LRP1: variants seen among roughly 807,000 people sequenced by gnomAD.
LRP1 encodes LDL receptor related protein 1.
LRP1 carries 51 observed loss-of-function variants against 541.5 expected under a neutral mutation model. The ratio of observed to expected loss-of-function variants is 0.09; its 90% confidence interval spans 0.08 to 0.12. LRP1 has a LOEUF of 0.12. Among genes scored for constraint, LRP1 ranks in the 10% least tolerant of loss-of-function variants. The pLI is 1.00. For missense variants in LRP1, 3,878 were observed against 6,376.2 expected, an observed-to-expected ratio of 0.61 and a Z score of 13.34; for synonymous variants, 2,219 against 2,470.8, an observed-to-expected ratio of 0.90 and a Z score of 3.02.
At position 57,184,271 on chromosome 12, in the gene LRP1, C is replaced by T. The variant is rs2036224355; in HGVS notation, c.6060-55C>T. On this transcript the variant is annotated intron_variant, in intron 37 of 88. Transcript: ENST00000243077. This position sits in a 1 kb window ranked among gnomAD's most constrained non-coding sequence, Gnocchi z 7.8. ...CTGCCCATGGCCCATGCTGATGAGG[C>T]CCTGTCTCCTCCAGGGTCTGAGGAC... is the stretch of plus-strand genomic sequence containing the variant. 2 of 1,613,844 alleles carry T rather than the reference C, an allele frequency of 1.2e-6. No individual in the cohort carries two copies. The highest frequency in any genetic ancestry group is 2.7e-5 in the African/African-American group (2 of 75,040).
At position 57,205,795 on chromosome 12, in the gene LRP1, C is replaced by A; in HGVS notation, c.11590+118C>A. 1 of 1,434,728 alleles carries A rather than the reference C, an allele frequency of 7.0e-7. No individual in the cohort carries two copies. The highest frequency in any genetic ancestry group is 9.4e-7 in the Non-Finnish European group (1 of 1,068,882). 88.9% of individuals were successfully genotyped at this position (1,434,728 alleles called of 1,614,324 possible). A position where few individuals can be genotyped will look rare whatever the true frequency, so the allele number is the denominator to read the frequency against. On this transcript the variant is annotated intron_variant, in intron 75 of 88. Coordinates refer to ENST00000243077, the MANE Select transcript of LRP1 (RefSeq NM_002332.3). This position sits in a 1 kb window ranked among gnomAD's most constrained non-coding sequence, Gnocchi z 4.6. Reference sequence around the variant, plus strand: ...GACATCTTGCCCAGACAAGAAGCCCCAGACTCATAGTTGCAGCTGCCTGAG... The same window carrying A: ...GACATCTTGCCCAGACAAGAAGCCCAAGACTCATAGTTGCAGCTGCCTGAG...
Position 57,130,450 on chromosome 12 carries a change from G to A in LRP1, c.67+1419G>A, listed in dbSNP as rs1332268979. On this transcript the variant is annotated intron_variant, in intron 1 of 88. Transcript: ENST00000243077. ...CCCCACCCCACCAATTAGCTGCCCC[G>A]GAGGAGGAGAGGGGCTTTTCCTGAA... Among the ~76,000 whole-genome samples, 30 of 104,254 alleles carry A rather than the reference G, an allele frequency of 2.9e-4. No homozygotes were observed. In the Admixed American group the frequency reaches 3.5e-3, roughly 12 times the overall value. The allele number at this position is 104,254 out of a possible 152,430, so 68.4% of individuals were successfully genotyped here. A position where few individuals can be genotyped will look rare whatever the true frequency, so the allele number is the denominator to read the frequency against.
chr12:57,139,658 C>T (rs1327195220), intron 2 of LRP1, among the ~76,000 whole-genome samples: 4 of 152,192 alleles, frequency 2.6e-5, no homozygotes, highest in African/African-American at 9.7e-5. Context: ...GGACTCATAA[C>T]ATCACACACA....
Position 57,162,575 on chromosome 12 carries a change from C to T in LRP1, c.2404+57C>T. On this transcript the variant is annotated intron_variant, in intron 14 of 88. Transcript: ENST00000243077. This position sits in a 1 kb window ranked among gnomAD's most constrained non-coding sequence, Gnocchi z 5.2. ...CCTGGAAGGGGTGGTGGGACTTAGG[C>T]ATTGATTTGAGACTTCCCTGGGAGT... 3 of 1,591,264 alleles carry T rather than the reference C, an allele frequency of 1.9e-6. No homozygotes were observed. Among genetic ancestry groups the T allele is most frequent in the South Asian group, 1.1e-5 (1 of 90,218 alleles).
Position 57,178,225 on chromosome 12 carries a change from G to C in LRP1, c.4362-134G>C, listed in dbSNP as rs1325649349. 1.1e-5 allele frequency: 12 copies of C among 1,060,996 alleles called. No individual in the cohort carries two copies. The highest frequency in any genetic ancestry group is 1.6e-5 in the Non-Finnish European group (12 of 739,314). The allele number at this position is 1,060,996 out of a possible 1,614,324, so 65.7% of individuals were successfully genotyped here. A position where few individuals can be genotyped will look rare whatever the true frequency, so the allele number is the denominator to read the frequency against. ...CTGTCTGTCTGCTCTGGCCAGCAAG[G>C]CTTAGGGGAGGGAATGGTCCCATGC... On this transcript the variant is annotated intron_variant, in intron 26 of 88. Coordinates refer to ENST00000243077, the MANE Select transcript of LRP1 (RefSeq NM_002332.3). This position sits in a 1 kb window ranked among gnomAD's most constrained non-coding sequence, Gnocchi z 5.8.
Position 57,202,543 on chromosome 12 carries a change from T to TGGGGGCCCCCCCCCCCCCCC in LRP1, c.10711+6_10711+7insGGGGGCCCCCCCCCCCCCCC. On this transcript the variant is annotated splice_region_variant and intron_variant, in intron 68 of 88. Coordinates refer to ENST00000243077, the MANE Select transcript of LRP1 (RefSeq NM_002332.3). Reference sequence around the variant, plus strand: ...CTCCGATGAAGAGAGCTGCAGTACGTCCCCACCCACCCAGCCCCGCATGAG... The same window carrying TGGGGGCCCCCCCCCCCCCCC: ...CTCCGATGAAGAGAGCTGCAGTACGTGGGGGCCCCCCCCCCCCCCCCCCCACCCACCCAGCCCCGCATGAG... The TGGGGGCCCCCCCCCCCCCCC allele has an allele frequency of 6.6e-7, 1 of 1,523,614 alleles. No individual in the cohort carries two copies. Among genetic ancestry groups the TGGGGGCCCCCCCCCCCCCCC allele is most frequent in the South Asian group, 1.2e-5 (1 of 84,046 alleles). The allele number at this position is 1,523,614 out of a possible 1,614,324, so 94.4% of individuals were successfully genotyped here.
chr12:57,211,564 A>G lies in LRP1; in HGVS notation c.13169A>G (p.Asn4390Ser). 6.2e-7 allele frequency: 1 copy of G among 1,614,066 alleles called. No homozygotes were observed. The highest frequency in any genetic ancestry group is 8.5e-7 in the Non-Finnish European group (1 of 1,180,012). The change falls in exon 85 of 89, where the codon AAC becomes AGC. Residue 4390 changes from asparagine (N) to serine (S), a missense_variant. Asn to Ser is a conservative substitution (Grantham distance 46). This residue lies in a region of LRP1 where 871 missense variants were observed against 1,212.4 expected (regional missense o/e 0.72). Coordinates refer to ENST00000243077, the MANE Select transcript of LRP1 (RefSeq NM_002332.3). The surrounding 1 kb of genome is among the most constrained non-coding windows in gnomAD (Gnocchi z 4.3). ...HCSNGGSCTMNSKMMPECQCP... is the reference protein window; with the variant it reads ...HCSNGGSCTMSSKMMPECQCP... ...AGCAATGGCGGCTCCTGTACCATGA[A>G]CAGCAAAATGATGCCTGAGTGCCAG...
chr12:57,191,479 G>T lies in LRP1; in HGVS notation c.7396G>T (p.Gly2466Cys). 6.2e-7 allele frequency: 1 copy of T among 1,602,914 alleles called. No individual in the cohort carries two copies. Reference protein sequence around the residue: ...LRVDIPQQPMGIIAVANDTNS... With the variant: ...LRVDIPQQPMCIIAVANDTNS... ...CGTGGACATCCCCCAGCAGCCCATG[G>T]GCATCATCGCCGTGGCCAACGACAC... is the stretch of plus-strand genomic sequence containing the variant. Residue 2466 changes from glycine (G) to cysteine (C), a missense_variant, in exon 44 of 89, where the codon GGC becomes TGC. Coordinates refer to ENST00000243077, the MANE Select transcript of LRP1 (RefSeq NM_002332.3).
At position 57,185,670 on chromosome 12, in the gene LRP1, G is replaced by C. The variant is rs200699397; in HGVS notation, c.6603G>C (p.Leu2201=). ...CGTGCCGCGAGTATGCCGGCTACCT[G>C]CTCTACTCAGAGCGCACCATTCTCA... ...GASCREYAGY[L]LYSERTILKS... Residue 2201 remains leucine (L), a synonymous_variant, in exon 41 of 89, where the codon CTG becomes CTC. Coordinates refer to ENST00000243077, the MANE Select transcript of LRP1 (RefSeq NM_002332.3). This position sits in a 1 kb window ranked among gnomAD's most constrained non-coding sequence, Gnocchi z 4.9. 14 of 1,613,846 alleles carry C rather than the reference G, an allele frequency of 8.7e-6. No homozygotes were observed. In the East Asian group the frequency reaches 1.3e-4, roughly 15 times the overall value.
At position 57,165,656 on chromosome 12, in the gene LRP1, T is replaced by A. The variant is rs1435420789; in HGVS notation, c.2531-149T>A. 7 of 714,466 alleles carry A rather than the reference T, an allele frequency of 9.8e-6. No homozygotes were observed. Among genetic ancestry groups the A allele is most frequent in the South Asian group, 1.9e-5 (1 of 51,418 alleles). The allele number at this position is 714,466 out of a possible 1,614,324, so 44.3% of individuals were successfully genotyped here. On this transcript the variant is annotated intron_variant, in intron 15 of 88. Coordinates refer to ENST00000243077, the MANE Select transcript of LRP1 (RefSeq NM_002332.3). The surrounding 1 kb of genome is among the most constrained non-coding windows in gnomAD (Gnocchi z 4.5). ...GAAAGAATTGCAGTTTCCATCCAGA[T>A]AATTTGTTTCATGAGGAATTTTGTA...
chr12:57,167,168 T>A, intron 18 of LRP1, 122 bp downstream of exon 18: 1 of 778,638 alleles, frequency 1.3e-6, no homozygotes, highest in Non-Finnish European at 2.2e-6. Context: ...AGTGAGTTAA[T>A]CTCGGTGGCC....
chr12:57,195,211 CA>C (rs771424011), intron 51 of LRP1, 59 bp from the exon 52 acceptor site: 23 of 1,598,620 alleles, frequency 1.4e-5, no homozygotes, highest in Non-Finnish European at 2.0e-5. Flanking sequence ...CCATCACCTC[CA>C]CTGCTAGACC....
Position 57,196,975 on chromosome 12 carries a change from C to T in LRP1, c.8893-7C>T, listed in dbSNP as rs1800191. ...CATGCCCAGCCCAAGGCTCCCTGTG[C>T]CTGCAGTGCCGCTGTCGCCCTGGCT... On this transcript the variant is annotated splice_region_variant and splice_polypyrimidine_tract_variant and intron_variant, in intron 55 of 88. Coordinates refer to ENST00000243077, the MANE Select transcript of LRP1 (RefSeq NM_002332.3). 527,047 of 1,602,714 alleles carry T rather than the reference C, an allele frequency of 0.33. 90,575 individuals carry two copies. Among genetic ancestry groups the T allele is most frequent in the African/African-American group, 0.5 (37,743 of 74,774 alleles).
chr12:57,138,487 T>G lies in LRP1; in HGVS notation c.96T>G (p.Phe32Leu), dbSNP rs545853248. 1 of 1,614,090 alleles carries G rather than the reference T, an allele frequency of 6.2e-7. No individual in the cohort carries two copies. The highest frequency in any genetic ancestry group is 1.1e-5 in the South Asian group (1 of 91,074). The change falls in exon 2 of 89, where the codon TTT becomes TTG. Residue 32 changes from phenylalanine to leucine, a missense_variant. Physicochemically the swap from Phe to Leu is conservative, Grantham distance 22 (BLOSUM62 0). Around this residue, in one of 13 missense-constraint regions of LRP1, gnomAD observed 293 missense variants for 403.7 expected, o/e 0.73. Coordinates refer to ENST00000243077, the MANE Select transcript of LRP1 (RefSeq NM_002332.3). ...CTAAGACTTGCAGCCCCAAGCAGTT[T>G]GCCTGCAGAGATCAAATAACCTGTA... ...DAPKTCSPKQFACRDQITCIS... is the reference protein window; with the variant it reads ...DAPKTCSPKQLACRDQITCIS...
At chr12:57,147,070 C>T (rs117110347) in intron 6 of LRP1, among the ~76,000 whole-genome samples, 1 of 151,872 alleles carries the variant, frequency 6.6e-6, no homozygotes, top group African/African-American at 2.4e-5. Flanking sequence ...TGGTACCCCT[C>T]CCTTGGCAAA....
Position 57,184,750 on chromosome 12 carries a change from A to T in LRP1, c.6187-89A>T. 7.0e-7 allele frequency: 1 copy of T among 1,421,136 alleles called. No individual in the cohort carries two copies. The highest frequency in any genetic ancestry group is 9.6e-7 in the Non-Finnish European group (1 of 1,041,292). 88.0% of individuals were successfully genotyped at this position (1,421,136 alleles called of 1,614,324 possible). A position where few individuals can be genotyped will look rare whatever the true frequency, so the allele number is the denominator to read the frequency against. ...TAGGGGAGGCTGAACTGAGGGCCTC[A>T]CTCTGGCCCAGGCACTCCCTGCTGC... On this transcript the variant is annotated intron_variant, in intron 38 of 88. Transcript: ENST00000243077. The surrounding 1 kb of genome is among the most constrained non-coding windows in gnomAD (Gnocchi z 7.8).
chr12:57,195,491 C>T, intron 52 of LRP1, 92 bp downstream of exon 52: 7 of 1,577,620 alleles, frequency 4.4e-6, no homozygotes, highest in Non-Finnish European at 6.0e-6. Flanking sequence ...AGAGGAAATG[C>T]CTCAGCGGGG....
At chr12:57,140,317 T>A (rs2136657592) in intron 2 of LRP1, among the ~76,000 whole-genome samples, 1 of 152,266 alleles carries the variant, frequency 6.6e-6, no homozygotes, top group Non-Finnish European at 1.5e-5. Flanking sequence ...AATAGTGCTG[T>A]CCAATAGAAA....
chr12:57,204,284 T>C lies in LRP1; in HGVS notation c.10952-126T>C, dbSNP rs2036721430. 1 of 1,166,296 alleles carries C rather than the reference T, an allele frequency of 8.6e-7. No individual in the cohort carries two copies. Among genetic ancestry groups the C allele is most frequent in the Non-Finnish European group, 1.2e-6 (1 of 853,376 alleles). 72.2% of individuals were successfully genotyped at this position (1,166,296 alleles called of 1,614,324 possible). A position where few individuals can be genotyped will look rare whatever the true frequency, so the allele number is the denominator to read the frequency against. On this transcript the variant is annotated intron_variant, in intron 70 of 88. Transcript: ENST00000243077. The surrounding 1 kb of genome is among the most constrained non-coding windows in gnomAD (Gnocchi z 5.3). Reference sequence around the variant, plus strand: ...CCACCAAGTAGAAATTTAAGAGACCTGGTTCCAATTTGGCTGTGCCACTGC... The same window carrying C: ...CCACCAAGTAGAAATTTAAGAGACCCGGTTCCAATTTGGCTGTGCCACTGC...
Sources: gnomAD v4.1 joint callset for allele counts (sites outside exome capture counted in the v4.1 genomes callset) on GRCh38, gnomAD v4.1.1 for gene constraint, gnomAD v4.1.1 regional missense constraint, Gnocchi (gnomAD v3.1) non-coding constraint, MANE v1.5 for transcripts, NCBI Gene and HGNC (gene_info 2026-07-23, HGNC 2026-07-21) for gene names.